The following MPDZ variants were observed in gnomAD, a reference collection of about 807,000 sequenced individuals.
The protein encoded by MPDZ is multiple PDZ domain crumbs cell polarity complex component.
In MPDZ, 234 loss-of-function variants were observed where a neutral mutation model predicts 239.1. The ratio of observed to expected loss-of-function variants is 0.98; its 90% CI spans 0.88 to 1.09. The LOEUF is 1.09. MPDZ is among the 50% of genes least tolerant of loss of function. The pLI is 0.00. For missense variants in MPDZ, 3,175 were observed against 2,510.0 expected, an observed-to-expected ratio of 1.26 and a Z score of -5.66; for synonymous variants, 1,048 against 881.3, an observed-to-expected ratio of 1.19 and a Z score of -3.35.
Position 13,119,424 on chromosome 9 carries a change from T to A in MPDZ, c.5379+78A>T, listed in dbSNP as rs1943989638. On this transcript the variant is annotated intron_variant, in intron 39 of 46. Coordinates refer to ENST00000319217, the MANE Select transcript of MPDZ (RefSeq NM_001378778.1). ...TAAATAAAGAGAAGTCATTACTAAT[T>A]TGACTATGATAGCCCAATGTTAAAA... 3 of 1,484,548 alleles carry A rather than the reference T, an allele frequency of 2.0e-6. No individual in the cohort carries two copies. In the Admixed American group the frequency reaches 6.4e-5, roughly 32 times the overall value. The allele number at this position is 1,484,548 out of a possible 1,614,324, so 92.0% of individuals were successfully genotyped here.
chr9:13,111,923 G>T, intron 43 of MPDZ, 101 bp downstream of exon 43: 3 of 1,169,218 alleles, frequency 2.6e-6, no homozygotes, highest in Non-Finnish European at 3.6e-6. Context: ...AGTAAATATA[G>T]ATATTTAAAA....
rs113051430 is a variant in MPDZ, at chr9:13,151,196, G to A, written c.3453-508C>T. Among the ~76,000 whole-genome samples, 595 of 152,048 alleles carry A rather than the reference G, an allele frequency of 3.9e-3. 3 individuals are homozygous for A. Among genetic ancestry groups the A allele is most frequent in the African/African-American group, 0.014 (581 of 41,502 alleles). On this transcript the variant is annotated intron_variant, in intron 24 of 46. Transcript: ENST00000319217. ...AGAATGCAGAGCGTGTGAAACCCTTGTGTACTGTTGGTAGAAATGTAAAAT... is the reference window on the plus strand; with the variant it reads ...AGAATGCAGAGCGTGTGAAACCCTTATGTACTGTTGGTAGAAATGTAAAAT...
At chr9:13,256,795 C>T (rs999430735) in intron 1 of MPDZ, among the ~76,000 whole-genome samples, 1 of 152,118 alleles carries the variant, frequency 6.6e-6, no homozygotes, top group Non-Finnish European at 1.5e-5. Context: ...ATTAACAAAA[C>T]GTGACACACA....
intron 3 of MPDZ, among the ~76,000 whole-genome samples, chr9:13,238,466 C>T (rs1457675316): frequency 1.3e-5 from 2 of 152,294 alleles, no homozygotes; most frequent in African/African-American, 4.8e-5. Context: ...AGTCGGCTGC[C>T]TTGCCCCTTC....
Position 13,106,816 on chromosome 9 carries a change from T to C in MPDZ, c.*149A>G. The C allele has an allele frequency of 1.2e-6, 1 of 803,096 alleles. No homozygotes were observed. 49.7% of individuals were successfully genotyped at this position (803,096 alleles called of 1,614,324 possible). On this transcript the variant is annotated 3_prime_UTR_variant, in exon 47 of 47. Transcript: ENST00000319217. ...AGGTTGTCAGTAAGGAAAGCATTTC[T>C]AGATGAGAAAAAGAAACTTAAGTGT...
At chr9:13,157,085 T>C (rs1426193425) in intron 24 of MPDZ, among the ~76,000 whole-genome samples, 1 of 152,216 alleles carries the variant, frequency 6.6e-6, no homozygotes. Context: ...CTGCAGGTTA[T>C]CACTGGTGGG....
At chr9:13,171,958 C>A (rs868014964) in intron 21 of MPDZ, among the ~76,000 whole-genome samples, 22 of 152,194 alleles carry the variant, frequency 1.4e-4, no homozygotes, top group African/African-American at 4.6e-4. Flanking sequence ...ATTTAGACTT[C>A]CTAACATACT....
At chr9:13,231,989 G>A (rs887223402) in intron 3 of MPDZ, among the ~76,000 whole-genome samples, 2 of 151,864 alleles carry the variant, frequency 1.3e-5, no homozygotes, top group Non-Finnish European at 2.9e-5. Flanking sequence ...AGAAAAACAG[G>A]ATCAGTTCAA....
At position 13,222,384 on chromosome 9, in the gene MPDZ, G is replaced by C. The variant is rs1306835556; in HGVS notation, c.596C>G (p.Thr199Arg). ...LAINGQALDQTITHQQAISIL... is the reference protein window; with the variant it reads ...LAINGQALDQRITHQQAISIL... ...GCTGATAGCCTGCTGATGTGTAATT[G>C]TCTGATCAAGAGCCTGTCCATTGAT... The change falls in exon 6 of 47, where the codon ACA becomes AGA. Residue 199 changes from threonine to arginine, a missense_variant. Transcript: ENST00000319217. 1 of 1,612,810 alleles carries C rather than the reference G, an allele frequency of 6.2e-7. No individual in the cohort carries two copies. Among genetic ancestry groups the C allele is most frequent in the South Asian group, 1.1e-5 (1 of 91,044 alleles).
At chr9:13,149,314 T>C (rs1217506625) in intron 25 of MPDZ, among the ~76,000 whole-genome samples, 1 of 152,036 alleles carries the variant, frequency 6.6e-6, no homozygotes, top group Non-Finnish European at 1.5e-5. Context: ...TTTAAAGTCA[T>C]GGTTGATATG....
chr9:13,206,166 C>G (rs535908180), intron 10 of MPDZ, 67 bp from the exon 11 acceptor site: 8 of 1,403,382 alleles, frequency 5.7e-6, no homozygotes, highest in Non-Finnish European at 7.7e-6. Flanking sequence ...TACCAATTCA[C>G]AAAATGTGTA....
At chr9:13,262,054 A>T (rs746606810) in intron 1 of MPDZ, among the ~76,000 whole-genome samples, 32 of 151,962 alleles carry the variant, frequency 2.1e-4, no homozygotes, top group Admixed American at 1.4e-3. Flanking sequence ...CTAGAAAATG[A>T]AAATTAAAAA....
intron 24 of MPDZ, among the ~76,000 whole-genome samples, chr9:13,151,084 T>C (rs1949107427): frequency 6.6e-6 from 1 of 151,826 alleles, no homozygotes; most frequent in South Asian, 2.1e-4. Context: ...GAAATACAAA[T>C]CAAAAGCACA....
intron 35 of MPDZ, among the ~76,000 whole-genome samples, chr9:13,124,808 G>A (rs1241190100): frequency 1.3e-5 from 2 of 152,030 alleles, no homozygotes; most frequent in Non-Finnish European, 2.9e-5. Flanking sequence ...AGAAAGCTGA[G>A]GCTTAGAGAA....
Position 13,279,404 on chromosome 9 carries a change from C to T in MPDZ, c.-62G>A, listed in dbSNP as rs1424878840. ...CGGGGCTCAAGCGCCGCTTACCCGG[C>T]TCGCGGCGCCCGCCCAGGGCCGCGA... On this transcript the variant is annotated 5_prime_UTR_variant, in exon 1 of 47. Transcript: ENST00000319217. The T allele has an allele frequency of 1.4e-5, 2 of 146,870 alleles. No individual in the cohort carries two copies. The highest frequency in any genetic ancestry group is 2.5e-5 in the African/African-American group (1 of 40,666). 9.1% of individuals were successfully genotyped at this position (146,870 alleles called of 1,614,324 possible).
Position 13,105,854 on chromosome 9 carries a change from T to C in MPDZ, c.*1111A>G, listed in dbSNP as rs563652678. 6.6e-6 allele frequency: 1 copy of C among 152,330 alleles called. No homozygotes were observed. The highest frequency in any genetic ancestry group is 2.1e-4 in the South Asian group (1 of 4,826). The allele number at this position is 152,330 out of a possible 1,614,324, so 9.4% of individuals were successfully genotyped here. A position where few individuals can be genotyped will look rare whatever the true frequency, so the allele number is the denominator to read the frequency against. ...ATTCTAATGTAGGAGTTTCACGCTCTAAAATGGGAATGAACACATGATAAT... is the reference window on the plus strand; with the variant it reads ...ATTCTAATGTAGGAGTTTCACGCTCCAAAATGGGAATGAACACATGATAAT... On this transcript the variant is annotated 3_prime_UTR_variant, in exon 47 of 47. Transcript: ENST00000319217.
chr9:13,138,011 T>G lies in MPDZ; in HGVS notation c.4146A>C (p.Pro1382=), dbSNP rs762053312. 4.2e-5 allele frequency: 68 copies of G among 1,613,786 alleles called. No individual in the cohort carries two copies. The highest frequency in any genetic ancestry group is 5.6e-5 in the Non-Finnish European group (66 of 1,179,830). ...GACCATCTTTTCCTGCAGCTCCATT[T>G]GGATCAATCCCCACTATGAAGACAC... is the stretch of plus-strand genomic sequence containing the variant. The part of the protein sequence containing the change: ...RMSVFIVGID[P]NGAAGKDGRL... Residue 1382 remains proline (P), a synonymous_variant, in exon 29 of 47, where the codon CCA becomes CCC. Coordinates refer to ENST00000319217, the MANE Select transcript of MPDZ (RefSeq NM_001378778.1).
At chr9:13,206,622 C>T (rs1187497844) in intron 10 of MPDZ, among the ~76,000 whole-genome samples, 1 of 151,790 alleles carries the variant, frequency 6.6e-6, no homozygotes, top group Non-Finnish European at 1.5e-5. Context: ...CGGCTCATTG[C>T]AACCTCCACC....
At chr9:13,176,964 T>A (rs2134214720) in intron 19 of MPDZ, among the ~76,000 whole-genome samples, 1 of 152,156 alleles carries the variant, frequency 6.6e-6, no homozygotes, top group East Asian at 1.9e-4. Context: ...GTAGGAAAAA[T>A]TTGCATAAAT....
Sources: gnomAD v4.1 joint callset for allele counts (sites outside exome capture counted in the v4.1 genomes callset) on GRCh38, gnomAD v4.1.1 for gene constraint, MANE v1.5 for transcripts, NCBI Gene and HGNC (gene_info 2026-07-23, HGNC 2026-07-21) for gene names.